Variants in WWOX observed in about 807,000 individuals in gnomAD.
WWOX encodes WW domain containing oxidoreductase, also known as WW domain-containing oxidoreductase.
A neutral mutation model predicts 46.2 loss-of-function variants in WWOX; 69 were observed. The observed-to-expected ratio is 1.49, with a 90% CI of 1.23 to 1.82. The LOEUF (loss-of-function observed/expected upper bound fraction) is 1.82. Ranked by LOEUF, WWOX falls within the 40% of genes most tolerant of loss-of-function variation. The probability of loss-of-function intolerance (pLI) is 0.00; values close to 1 mark genes in which losing one functional copy is unlikely to be tolerated. For synonymous variants in WWOX, 359 were observed against 202.6 expected, an observed-to-expected ratio of 1.77 and a Z score of -6.56; for missense variants, 919 against 542.6, an observed-to-expected ratio of 1.69 and a Z score of -6.89.
intron 5 of WWOX, among the ~76,000 whole-genome samples, chr16:78,217,254 C>A (rs1048143388): frequency 6.6e-6 from 1 of 152,196 alleles, no homozygotes; most frequent in Non-Finnish European, 1.5e-5. Flanking sequence ...ACTTCTCCTG[C>A]CTGCCTTGCA....
intron 8 of WWOX, among the ~76,000 whole-genome samples, chr16:78,588,059 T>C (rs1321720081): frequency 6.6e-6 from 1 of 152,156 alleles, no homozygotes; most frequent in Non-Finnish European, 1.5e-5. Context: ...GCTCCCTGGG[T>C]GGTGGTCACA....
chr16:78,285,285 C>A (rs1194243998), intron 5 of WWOX, among the ~76,000 whole-genome samples: 1 of 151,806 alleles, frequency 6.6e-6, no homozygotes, highest in Non-Finnish European at 1.5e-5. Context: ...AAAGAGAAAA[C>A]AAAATTAACC....
At chr16:78,501,709 G>A (rs544452358) in intron 8 of WWOX, among the ~76,000 whole-genome samples, 1 of 151,956 alleles carries the variant, frequency 6.6e-6, no homozygotes, top group Non-Finnish European at 1.5e-5. Context: ...GGTAATTTTT[G>A]TACTTTTATT....
intron 5 of WWOX, among the ~76,000 whole-genome samples, chr16:78,362,529 A>G (rs983438319): frequency 6.6e-6 from 1 of 152,130 alleles, no homozygotes; most frequent in Non-Finnish European, 1.5e-5. Flanking sequence ...GAATTGCCTG[A>G]ACTCGGGAGG....
At chr16:78,243,969 T>G (rs1465839820) in intron 5 of WWOX, among the ~76,000 whole-genome samples, 4 of 152,246 alleles carry the variant, frequency 2.6e-5, no homozygotes, top group African/African-American at 4.8e-5. Flanking sequence ...GCTCCTGTCC[T>G]TGACCCAATC....
intron 8 of WWOX, among the ~76,000 whole-genome samples, chr16:78,618,924 G>A (rs1437080798): frequency 6.6e-6 from 1 of 150,624 alleles, no homozygotes; most frequent in Non-Finnish European, 1.5e-5. Context: ...GTCAGAGAAA[G>A]GTGCAACTCC....
intron 8 of WWOX, among the ~76,000 whole-genome samples, chr16:78,797,575 C>T (rs1567566901): frequency 6.6e-6 from 1 of 152,020 alleles, no homozygotes; most frequent in African/African-American, 2.4e-5. Flanking sequence ...CAACCTGGGG[C>T]TTTAGTCATG....
chr16:78,726,997 G>C (rs888380356), intron 8 of WWOX, among the ~76,000 whole-genome samples: 2 of 152,124 alleles, frequency 1.3e-5, no homozygotes, highest in Admixed American at 1.3e-4. Flanking sequence ...TTTTTCCTGA[G>C]AGCAGCCCTC....
At chr16:78,184,721 A>G (rs1567617900) in intron 5 of WWOX, among the ~76,000 whole-genome samples, 1 of 152,184 alleles carries the variant, frequency 6.6e-6, no homozygotes, top group Non-Finnish European at 1.5e-5. Context: ...TATGGTCGGT[A>G]ATGCAACCAC....
At chr16:79,201,248 C>T (rs1208814168) in intron 8 of WWOX, among the ~76,000 whole-genome samples, 2 of 152,088 alleles carry the variant, frequency 1.3e-5, no homozygotes, top group East Asian at 1.9e-4. Context: ...CAGCTCCCTC[C>T]AGGACTGAAG....
At chr16:78,660,689 T>C (rs1383835372) in intron 8 of WWOX, among the ~76,000 whole-genome samples, 1 of 152,152 alleles carries the variant, frequency 6.6e-6, no homozygotes, top group Non-Finnish European at 1.5e-5. Flanking sequence ...AGTAAGATAG[T>C]AAAATTTCTT....
At chr16:78,662,360 C>T (rs1109876) in intron 8 of WWOX, among the ~76,000 whole-genome samples, 106,866 of 152,056 alleles carry the variant, frequency 0.7, 37,604 homozygotes, top group South Asian at 0.78. Context: ...TAAGAGAGCG[C>T]AATGAGACAT....
chr16:78,352,968 T>A (rs1270747836), intron 5 of WWOX, among the ~76,000 whole-genome samples: 1 of 152,192 alleles, frequency 6.6e-6, no homozygotes, highest in Non-Finnish European at 1.5e-5. Flanking sequence ...TAAAAATATT[T>A]CTCTCACTTA....
intron 8 of WWOX, among the ~76,000 whole-genome samples, chr16:78,566,347 C>G (rs1053863431): frequency 1.3e-5 from 2 of 152,198 alleles, no homozygotes; most frequent in Non-Finnish European, 2.9e-5. Context: ...TACCTCTCTA[C>G]TAAGTGATTC....
intron 8 of WWOX, among the ~76,000 whole-genome samples, chr16:78,813,936 C>T (rs2051263632): frequency 1.3e-5 from 2 of 152,192 alleles, no homozygotes; most frequent in South Asian, 4.1e-4. Context: ...CAGTGTTAAC[C>T]TTCCTGAAGC....
At chr16:78,438,393 C>G (rs557562092) in intron 8 of WWOX, among the ~76,000 whole-genome samples, 1 of 152,106 alleles carries the variant, frequency 6.6e-6, no homozygotes, top group Non-Finnish European at 1.5e-5. Context: ...TGCAGTTATG[C>G]TTCCTTTTTA....
intron 8 of WWOX, among the ~76,000 whole-genome samples, chr16:78,438,490 G>A (rs1177605640): frequency 6.6e-6 from 1 of 151,504 alleles, no homozygotes; most frequent in African/African-American, 2.4e-5. Flanking sequence ...TTTCATTTCT[G>A]GTAAATACAT....
intron 5 of WWOX, chr16:78,270,568 G>C (rs1449872119): frequency 6.6e-6 from 1 of 152,178 alleles, no homozygotes; most frequent in Non-Finnish European, 1.5e-5. Context: ...CAGAAATAAA[G>C]CTCATGCTGT....
intron 8 of WWOX, among the ~76,000 whole-genome samples, chr16:78,658,366 T>G (rs1012165528): frequency 1.3e-5 from 2 of 152,246 alleles, no homozygotes; most frequent in Non-Finnish European, 2.9e-5. Context: ...CTCTAAACAC[T>G]TGCCATGTAG....
Sources: allele counts gnomAD v4.1 joint callset (sites outside exome capture counted in the v4.1 genomes callset), GRCh38; gene constraint gnomAD v4.1.1; transcripts MANE v1.5; gene names NCBI Gene and HGNC (gene_info 2026-07-23, HGNC 2026-07-21).